The following GATAD2A variants were observed in gnomAD, a reference collection of about 807,000 sequenced individuals.
The protein encoded by GATAD2A is transcriptional repressor p66-alpha.
Under a neutral mutation model 68.5 loss-of-function variants are expected in GATAD2A, and 12 were observed. The observed-to-expected ratio is 0.18, with a 90% CI of 0.11 to 0.28. The LOEUF (loss-of-function observed/expected upper bound fraction) is 0.28, where lower values mean the gene tolerates loss of function less well. Ranked by LOEUF, GATAD2A falls within the 10% of genes least tolerant of loss-of-function variation. The pLI is 1.00. For missense variants in GATAD2A, 755 were observed against 868.5 expected (o/e 0.87, Z 1.64); for synonymous variants, 410 against 375.3 (o/e 1.09, Z -1.07).
At chr19:19,444,372 G>C (rs975740219) in intron 1 of GATAD2A, among the ~76,000 whole-genome samples, 1 of 152,138 alleles carries the variant, frequency 6.6e-6, no homozygotes, top group Non-Finnish European at 1.5e-5. Context: ...CTTCAACCCT[G>C]CCTCTCTCCG....
intron 8 of GATAD2A, among the ~76,000 whole-genome samples, chr19:19,500,138 G>T (rs960146436): frequency 7.9e-5 from 12 of 152,218 alleles, no homozygotes; most frequent in African/African-American, 2.9e-4. Context: ...CCTCACTGTG[G>T]GAGAGACTTT....
intron 2 of GATAD2A, among the ~76,000 whole-genome samples, chr19:19,485,028 T>G (rs1204364882): frequency 6.6e-6 from 1 of 152,196 alleles, no homozygotes; most frequent in Non-Finnish European, 1.5e-5. Context: ...AGCTCTGGTC[T>G]CCCACATGAC....
At chr19:19,426,389 C>T (rs951121299) in intron 1 of GATAD2A, among the ~76,000 whole-genome samples, 4 of 152,180 alleles carry the variant, frequency 2.6e-5, no homozygotes, top group East Asian at 1.9e-4. Flanking sequence ...CTAGAGTCCC[C>T]GGGAGGTACT....
chr19:19,441,036 T>G (rs1464420035), intron 1 of GATAD2A, among the ~76,000 whole-genome samples: 2 of 148,894 alleles, frequency 1.3e-5, no homozygotes, highest in Non-Finnish European at 3.0e-5. Flanking sequence ...CTTCCCTTCC[T>G]TCTTTCCTTC....
At chr19:19,450,916 G>A (rs1381215060) in intron 1 of GATAD2A, among the ~76,000 whole-genome samples, 23 of 151,110 alleles carry the variant, frequency 1.5e-4, no homozygotes, top group African/African-American at 4.4e-4. Flanking sequence ...GATTACAGGC[G>A]CCCGCCACTA....
intron 5 of GATAD2A, 82 bp from the exon 6 acceptor site, chr19:19,495,672 T>C: frequency 9.7e-7 from 1 of 1,034,110 alleles, no homozygotes; most frequent in Non-Finnish European, 1.4e-6. Flanking sequence ...TGTACTTTCA[T>C]AAAAGCAGCA....
intron 2 of GATAD2A, among the ~76,000 whole-genome samples, chr19:19,469,010 A>G (rs1176317101): frequency 2.0e-5 from 3 of 152,238 alleles, no homozygotes; most frequent in African/African-American, 4.8e-5. Context: ...AAATGGAGCA[A>G]TATTGGAGCA....
At chr19:19,483,076 G>A (rs890518592) in intron 2 of GATAD2A, among the ~76,000 whole-genome samples, 1 of 152,144 alleles carries the variant, frequency 6.6e-6, no homozygotes, top group East Asian at 1.9e-4. Context: ...TTCTGGCAGC[G>A]CCGGCTGGCC....
intron 1 of GATAD2A, among the ~76,000 whole-genome samples, chr19:19,411,033 TG>T (rs1359343096): frequency 6.6e-6 from 1 of 152,186 alleles, no homozygotes; most frequent in Non-Finnish European, 1.5e-5. Context: ...ACCTCTTCTG[TG>T]GGGGATGACA....
At chr19:19,386,037 C>G (rs1021774224) in exon 1 of GATAD2A, 4 of 151,770 alleles carry the variant, frequency 2.6e-5, no homozygotes, top group Admixed American at 1.3e-4. Context: ...CCGCCGCGGG[C>G]GCCACCTGAG....
chr19:19,484,083 T>C (rs2059247965), intron 2 of GATAD2A, among the ~76,000 whole-genome samples: 1 of 152,076 alleles, frequency 6.6e-6, no homozygotes, highest in Non-Finnish European at 1.5e-5. Context: ...CAGTGAATGC[T>C]GCCAGAATTG....
chr19:19,397,325 C>T (rs1308470219), intron 1 of GATAD2A, among the ~76,000 whole-genome samples: 1 of 151,358 alleles, frequency 6.6e-6, no homozygotes, highest in Non-Finnish European at 1.5e-5. Flanking sequence ...TTACCGCAAC[C>T]TCCGCCTCCT....
intron 7 of GATAD2A, among the ~76,000 whole-genome samples, chr19:19,498,090 G>C (rs1285098280): frequency 6.6e-6 from 1 of 152,262 alleles, no homozygotes; most frequent in Non-Finnish European, 1.5e-5. Context: ...CAGTGGCCCT[G>C]CTGGGCAGTG....
intron 2 of GATAD2A, among the ~76,000 whole-genome samples, chr19:19,480,797 C>T (rs1323470261): frequency 6.6e-6 from 1 of 152,218 alleles, no homozygotes; most frequent in East Asian, 1.9e-4. Context: ...GCAACTGGAG[C>T]AGGTCTGATT....
At chr19:19,434,985 C>A in intron 1 of GATAD2A, 1 of 402,762 alleles carries the variant, frequency 2.5e-6, no homozygotes, top group East Asian at 7.5e-5. Context: ...GCTGGTTTCC[C>A]TGGGGTCCAT....
At chr19:19,484,147 T>G (rs2059252356) in intron 2 of GATAD2A, among the ~76,000 whole-genome samples, 1 of 152,132 alleles carries the variant, frequency 6.6e-6, no homozygotes, top group African/African-American at 2.4e-5. Flanking sequence ...TTGCCCGGAC[T>G]GGCCTGGGCA....
intron 2 of GATAD2A, among the ~76,000 whole-genome samples, chr19:19,485,316 G>C (rs2059362364): frequency 6.6e-6 from 1 of 152,238 alleles, no homozygotes. Context: ...ACGTTTTTCA[G>C]TCTGTCAGTT....
At chr19:19,464,239 C>T (rs993108245) in intron 1 of GATAD2A, among the ~76,000 whole-genome samples, 2 of 152,230 alleles carry the variant, frequency 1.3e-5, no homozygotes, top group Non-Finnish European at 2.9e-5. Flanking sequence ...CCCAAGTGGG[C>T]ACCAACTGTC....
chr19:19,421,511 C>T (rs985033970), intron 1 of GATAD2A, among the ~76,000 whole-genome samples: 4 of 152,132 alleles, frequency 2.6e-5, no homozygotes, highest in African/African-American at 9.7e-5. Flanking sequence ...CTGAGAGCAG[C>T]GCGCTTCTCT....
Sources: allele counts gnomAD v4.1 joint callset (sites outside exome capture counted in the v4.1 genomes callset), GRCh38; gene constraint gnomAD v4.1.1; transcripts MANE v1.5; gene names NCBI Gene and HGNC (gene_info 2026-07-23, HGNC 2026-07-21).